The following PDLIM5 variants were observed in gnomAD, a reference collection of about 807,000 sequenced individuals.
PDLIM5 encodes the protein PDZ and LIM domain protein 5.
Under a neutral mutation model 64.2 loss-of-function variants are expected in PDLIM5, and 34 were observed. The ratio of observed to expected loss-of-function variants is 0.53; its 90% confidence interval spans 0.40 to 0.71. PDLIM5 has a LOEUF of 0.71. Ranked by LOEUF, PDLIM5 falls within the 30% of genes least tolerant of loss-of-function variation. PDLIM5 has a pLI of 0.00. For missense variants in PDLIM5, 683 were observed against 733.6 expected (o/e 0.93, Z 0.80); for synonymous variants, 253 against 269.1 (o/e 0.94, Z 0.59).
At chr4:94,599,223 T>C (rs1037464234) in intron 7 of PDLIM5, among the ~76,000 whole-genome samples, 6 of 152,136 alleles carry the variant, frequency 3.9e-5, no homozygotes, top group African/African-American at 1.4e-4. Context: ...CTGTTATGAG[T>C]ATCCCCATAG....
At chr4:94,592,618 AGTTTTGTTTT>A (rs899559388) in intron 7 of PDLIM5, among the ~76,000 whole-genome samples, 14 of 152,048 alleles carry the variant, frequency 9.2e-5, no homozygotes, top group African/African-American at 2.9e-4. Flanking sequence ...CCCTTTTCCA[AGTTTTGTTTT>A]GTTTTGTTTT....
intron 2 of PDLIM5, among the ~76,000 whole-genome samples, chr4:94,488,681 A>G (rs1354820046): frequency 2.6e-5 from 4 of 152,212 alleles, no homozygotes; most frequent in Non-Finnish European, 5.9e-5. Context: ...CCTATTTAAA[A>G]TAGAACACTT....
chr4:94,635,097 A>G (rs751060100), intron 8 of PDLIM5, among the ~76,000 whole-genome samples: 6 of 152,228 alleles, frequency 3.9e-5, no homozygotes, highest in Non-Finnish European at 8.8e-5. Flanking sequence ...TAGAAGACTC[A>G]TAAATAGCAA....
intron 2 of PDLIM5, among the ~76,000 whole-genome samples, chr4:94,492,168 A>G (rs1726938749): frequency 7.5e-6 from 1 of 133,586 alleles, no homozygotes; most frequent in Non-Finnish European, 1.5e-5. Flanking sequence ...AAGAGAGAGG[A>G]CCAATTTAAA....
rs1267515591 is a variant in PDLIM5 at position 94,662,493 on chromosome 4, G to A, written c.1657G>A (p.Glu553Lys). ...CATAGAAGCTGGTGACATGTTCCTGGAAGCTCTGGGCTACACCTGGCATGA... is the reference window on the plus strand; with the variant it reads ...CATAGAAGCTGGTGACATGTTCCTGAAAGCTCTGGGCTACACCTGGCATGA... The part of the protein sequence containing the change: ...FPIEAGDMFL[E>K]ALGYTWHDTC... The change falls in exon 12 of 13, where the codon GAA (glutamate) becomes AAA (lysine). Residue 553 changes from glutamate (E) to lysine (K), a missense_variant. Glu to Lys is a moderately conservative substitution (Grantham distance 56, BLOSUM62 1). Coordinates refer to ENST00000317968, the MANE Select transcript of PDLIM5 (RefSeq NM_006457.5). 2 of 1,607,306 alleles carry A rather than the reference G, an allele frequency of 1.2e-6. No individual in the cohort carries two copies. Among genetic ancestry groups the A allele is most frequent in the African/African-American group, 2.7e-5 (2 of 74,710 alleles).
At chr4:94,658,369 A>C (rs1357611674) in intron 11 of PDLIM5, among the ~76,000 whole-genome samples, 1 of 152,226 alleles carries the variant, frequency 6.6e-6, no homozygotes, top group Non-Finnish European at 1.5e-5. Context: ...CATTTGTCTT[A>C]TTACACAAAC....
At chr4:94,558,491 C>G (rs1733555887) in intron 3 of PDLIM5, among the ~76,000 whole-genome samples, 1 of 152,102 alleles carries the variant, frequency 6.6e-6, no homozygotes. Context: ...TTCCATTTTC[C>G]TGTCTACATA....
chr4:94,533,045 C>T lies in PDLIM5; in HGVS notation c.248+9170C>T, dbSNP rs929913984. Among the ~76,000 whole-genome samples, 7 of 152,260 alleles carry T rather than the reference C, an allele frequency of 4.6e-5. No individual in the cohort carries two copies. The East Asian group carries it at 1.4e-3, about 29-fold the overall frequency. ...TTTAGGGACTGTTTCGTCAACATCA[C>T]GCACACTGGAAGAGACCATAATTGT... On this transcript the variant is annotated intron_variant, in intron 3 of 12. Transcript: ENST00000317968.
At chr4:94,593,565 C>T (rs1736840114) in intron 7 of PDLIM5, among the ~76,000 whole-genome samples, 1 of 152,076 alleles carries the variant, frequency 6.6e-6, no homozygotes, top group African/African-American at 2.4e-5. Flanking sequence ...CTCATGAAAG[C>T]TCTGGGGTCT....
intron 3 of PDLIM5, among the ~76,000 whole-genome samples, chr4:94,528,244 C>T (rs1457897159): frequency 1.3e-5 from 2 of 152,230 alleles, no homozygotes; most frequent in African/African-American, 4.8e-5. Context: ...AATCGAGTGT[C>T]TCCTGCCCAC....
chr4:94,551,649 A>G (rs2110211372), intron 3 of PDLIM5, among the ~76,000 whole-genome samples: 1 of 152,254 alleles, frequency 6.6e-6, no homozygotes, highest in East Asian at 1.9e-4. Context: ...TTATTCAGCT[A>G]AGTAGTATTT....
intron 9 of PDLIM5, among the ~76,000 whole-genome samples, chr4:94,653,617 G>C (rs1288367229): frequency 6.6e-6 from 1 of 152,020 alleles, no homozygotes; most frequent in Non-Finnish European, 1.5e-5. Flanking sequence ...GTTGGGGAGG[G>C]GGGAGAGGGA....
At chr4:94,459,345 G>C (rs991311936) in intron 2 of PDLIM5, among the ~76,000 whole-genome samples, 9 of 152,144 alleles carry the variant, frequency 5.9e-5, no homozygotes, top group Admixed American at 5.2e-4. Flanking sequence ...ATAAGAATTA[G>C]GTCAAACTTT....
chr4:94,596,376 G>A (rs531427872), intron 7 of PDLIM5, among the ~76,000 whole-genome samples: 30 of 152,076 alleles, frequency 2.0e-4, no homozygotes, highest in African/African-American at 5.8e-4. Flanking sequence ...TTGTCAGACC[G>A]GTAGTCCTTC....
chr4:94,638,948 G>A (rs1740787213), intron 8 of PDLIM5, among the ~76,000 whole-genome samples: 1 of 152,144 alleles, frequency 6.6e-6, no homozygotes, highest in Non-Finnish European at 1.5e-5. Context: ...GAAATATATA[G>A]CAGAAACAGT....
intron 2 of PDLIM5, among the ~76,000 whole-genome samples, chr4:94,504,478 G>A (rs527358799): frequency 4.8e-4 from 73 of 152,136 alleles, no homozygotes; most frequent in African/African-American, 1.7e-3. Context: ...GTAGAGATGG[G>A]GTTTCGCCAT....
intron 2 of PDLIM5, among the ~76,000 whole-genome samples, chr4:94,505,752 C>T (rs558909219): frequency 1.3e-5 from 2 of 152,292 alleles, no homozygotes; most frequent in South Asian, 2.1e-4. Flanking sequence ...ATGCACAGGG[C>T]AGGGCGTATG....
At chr4:94,604,069 A>G (rs1320050999) in intron 7 of PDLIM5, among the ~76,000 whole-genome samples, 1 of 152,176 alleles carries the variant, frequency 6.6e-6, no homozygotes, top group African/African-American at 2.4e-5. Context: ...AGGACAGAGT[A>G]ATGTCACTGT....
At chr4:94,502,725 A>T (rs1200976641) in intron 2 of PDLIM5, among the ~76,000 whole-genome samples, 1 of 151,998 alleles carries the variant, frequency 6.6e-6, no homozygotes, top group East Asian at 1.9e-4. Flanking sequence ...AAAAATACAA[A>T]AATTAGCCGG....
Sources: gnomAD v4.1 joint callset for allele counts (sites outside exome capture counted in the v4.1 genomes callset) on GRCh38, gnomAD v4.1.1 for gene constraint, MANE v1.5 for transcripts, NCBI Gene and HGNC (gene_info 2026-07-23, HGNC 2026-07-21) for gene names.